The following TRERF1 variants were observed in gnomAD, a reference collection of about 807,000 sequenced individuals.
TRERF1 encodes transcriptional regulating factor 1.
In TRERF1, 27 loss-of-function variants were observed where a neutral mutation model predicts 122.9. That is an observed-to-expected ratio of 0.22 (90% CI 0.16 to 0.30). The LOEUF is 0.30. TRERF1 is among the 10% of genes least tolerant of loss of function. TRERF1 has a pLI of 1.00. For missense variants in TRERF1, 1,248 were observed against 1,560.3 expected (o/e 0.80, Z 3.37); for synonymous variants, 636 against 641.7 (o/e 0.99, Z 0.13).
intron 5 of TRERF1, among the ~76,000 whole-genome samples, chr6:42,267,221 C>T (rs1293055051): frequency 6.6e-6 from 1 of 152,070 alleles, no homozygotes; most frequent in Non-Finnish European, 1.5e-5. Flanking sequence ...GTAGTTCTAG[C>T]TATGTGGGAG....
chr6:42,285,061 T>C (rs1310851156), intron 4 of TRERF1, among the ~76,000 whole-genome samples: 1 of 152,184 alleles, frequency 6.6e-6, no homozygotes, highest in African/African-American at 2.4e-5. Flanking sequence ...AATCTGTAAA[T>C]TACCTTGAGC....
At chr6:42,394,239 A>G (rs1020198852) in intron 2 of TRERF1, among the ~76,000 whole-genome samples, 1 of 149,876 alleles carries the variant, frequency 6.7e-6, no homozygotes, top group Non-Finnish European at 1.5e-5. Context: ...CCAAACTCCA[A>G]CTCTCCCCCC....
intron 6 of TRERF1, among the ~76,000 whole-genome samples, chr6:42,265,532 G>GTA (rs1778984849): frequency 6.6e-6 from 1 of 152,184 alleles, no homozygotes; most frequent in Admixed American, 6.5e-5. Context: ...TGCTTACTGA[G>GTA]TATAGGCACA....
At chr6:42,435,614 C>A (rs1042484781) in intron 2 of TRERF1, among the ~76,000 whole-genome samples, 2 of 151,952 alleles carry the variant, frequency 1.3e-5, no homozygotes, top group African/African-American at 4.8e-5. Flanking sequence ...GGATATTTAT[C>A]AAAGTATTAT....
At chr6:42,339,478 C>G (rs1421442786) in intron 3 of TRERF1, among the ~76,000 whole-genome samples, 1 of 152,212 alleles carries the variant, frequency 6.6e-6, no homozygotes, top group Non-Finnish European at 1.5e-5. Context: ...AGTCCTCAGG[C>G]AGCAACTACT....
At chr6:42,443,273 T>A (rs1786860834) in intron 2 of TRERF1, among the ~76,000 whole-genome samples, 1 of 152,254 alleles carries the variant, frequency 6.6e-6, no homozygotes, top group Non-Finnish European at 1.5e-5. Flanking sequence ...GCCTCTCTGC[T>A]TTTGTGTATG....
intron 16 of TRERF1, among the ~76,000 whole-genome samples, chr6:42,233,545 A>G (rs1260511401): frequency 6.6e-6 from 1 of 151,806 alleles, no homozygotes; most frequent in African/African-American, 2.4e-5. Context: ...TTGGCCTCCC[A>G]AAGTGCTGGG....
At chr6:42,366,255 T>A (rs1160515676) in intron 2 of TRERF1, among the ~76,000 whole-genome samples, 1 of 152,376 alleles carries the variant, frequency 6.6e-6, no homozygotes, top group East Asian at 1.9e-4. Flanking sequence ...CAATGAATCG[T>A]GTATTGACAA....
intron 2 of TRERF1, among the ~76,000 whole-genome samples, chr6:42,401,395 A>G (rs1177793509): frequency 6.6e-6 from 1 of 152,186 alleles, no homozygotes; most frequent in Admixed American, 6.5e-5. Flanking sequence ...ACTATGCTGT[A>G]GGCCTACACC....
At chr6:42,366,495 G>A (rs1581813704) in intron 2 of TRERF1, among the ~76,000 whole-genome samples, 3 of 152,158 alleles carry the variant, frequency 2.0e-5, no homozygotes, top group African/African-American at 7.2e-5. Context: ...CGGGGAGGAG[G>A]ATGGCTGGGT....
chr6:42,313,871 G>A (rs942672449), intron 3 of TRERF1, among the ~76,000 whole-genome samples: 5 of 152,074 alleles, frequency 3.3e-5, no homozygotes, highest in African/African-American at 9.7e-5. Context: ...TCACTTCTAC[G>A]TTGCCTTCTG....
Position 42,269,529 on chromosome 6 carries a change from T to C in TRERF1, c.62A>G (p.Tyr21Cys). 1 of 1,614,176 alleles carries C rather than the reference T, an allele frequency of 6.2e-7. No individual in the cohort carries two copies. Among genetic ancestry groups the C allele is most frequent in the Non-Finnish European group, 8.5e-7 (1 of 1,180,048 alleles). ...GTGGACGCCAAGTGGTGGCTGTTGG[T>C]AGAAAAGGTTCTCACTACCATGGGC... Residue 21 changes from tyrosine (Y) to cysteine (C), a missense_variant, in exon 5 of 18, where the codon TAC becomes TGC. Tyr to Cys is a radical substitution (Grantham distance 194). Coordinates refer to ENST00000372922, the Ensembl canonical transcript of TRERF1. This position sits in a 1 kb window ranked among gnomAD's most constrained non-coding sequence, Gnocchi z 4.9.
At chr6:42,252,677 G>A (rs568717090) in intron 13 of TRERF1, among the ~76,000 whole-genome samples, 2 of 152,314 alleles carry the variant, frequency 1.3e-5, no homozygotes, top group African/African-American at 4.8e-5. Flanking sequence ...GTTCAGCAGT[G>A]GGAGAAGGAG....
rs888638860 is a variant in TRERF1, at chr6:42,290,685, G to GA, written c.-259+9952dup. Among the ~76,000 whole-genome samples, 24 of 121,276 alleles carry GA rather than the reference G, an allele frequency of 2.0e-4. 1 individual carries two copies. Among genetic ancestry groups the GA allele is most frequent in the South Asian group, 1.2e-3 (4 of 3,296 alleles). The allele number at this position is 121,276 out of a possible 152,430, so 79.6% of individuals were successfully genotyped here. On this transcript the variant is annotated intron_variant, in intron 4 of 17. Coordinates refer to ENST00000372922, the Ensembl canonical transcript of TRERF1. ...AATCTCACAGCAAGGAGAGAAGAAG[G>GA]AAAAAAAAAGCCACAGGTTAGAGAA...
chr6:42,298,302 C>T (rs578182035), intron 4 of TRERF1, among the ~76,000 whole-genome samples: 43 of 151,618 alleles, frequency 2.8e-4, no homozygotes, highest in Non-Finnish European at 3.4e-4. Context: ...ATTATAGGTG[C>T]GCGCCACCAC....
chr6:42,357,199 C>T (rs771568325), intron 3 of TRERF1, among the ~76,000 whole-genome samples: 16 of 151,556 alleles, frequency 1.1e-4, no homozygotes, highest in Non-Finnish European at 1.8e-4. Context: ...CATGGTGGTG[C>T]GTGCCTGTAA....
chr6:42,269,684 G>C lies in TRERF1; in HGVS notation c.-94C>G. The C allele has an allele frequency of 6.7e-7, 1 of 1,488,740 alleles. No individual in the cohort carries two copies. Among genetic ancestry groups the C allele is most frequent in the Non-Finnish European group, 8.9e-7 (1 of 1,122,252 alleles). 92.2% of individuals were successfully genotyped at this position (1,488,740 alleles called of 1,614,324 possible). A position where few individuals can be genotyped will look rare whatever the true frequency, so the allele number is the denominator to read the frequency against. On this transcript the variant is annotated 5_prime_UTR_variant, in exon 5 of 18. Coordinates refer to ENST00000372922, the Ensembl canonical transcript of TRERF1. This position sits in a 1 kb window ranked among gnomAD's most constrained non-coding sequence, Gnocchi z 4.9. ...GGACTGAAACCCTGAGAAGCTGAGAGAAAAGTGTCAGCACTACTCCACGGC... is the reference window on the plus strand; with the variant it reads ...GGACTGAAACCCTGAGAAGCTGAGACAAAAGTGTCAGCACTACTCCACGGC...
intron 4 of TRERF1, among the ~76,000 whole-genome samples, chr6:42,292,360 C>G (rs1784443819): frequency 6.6e-6 from 1 of 152,230 alleles, no homozygotes; most frequent in East Asian, 1.9e-4. Context: ...GCAGCCTGGG[C>G]CCTTTGGGAT....
At chr6:42,238,835 TCACA>T (rs58223539) in intron 15 of TRERF1, among the ~76,000 whole-genome samples, 281 of 143,124 alleles carry the variant, frequency 2.0e-3, no homozygotes, top group Middle Eastern at 0.01. Flanking sequence ...ATCATGCATT[TCACA>T]CACACACACA....
Sources: allele counts gnomAD v4.1 joint callset (sites outside exome capture counted in the v4.1 genomes callset), GRCh38; gene constraint gnomAD v4.1.1; non-coding constraint Gnocchi (gnomAD v3.1); transcripts MANE v1.5; gene names NCBI Gene and HGNC (gene_info 2026-07-23, HGNC 2026-07-21).